Variants in FAM185A observed in about 807,000 individuals in gnomAD.
FAM185A encodes family with sequence similarity 185 member A.
A neutral mutation model predicts 45.7 loss-of-function variants in FAM185A; 21 were observed. That is an observed-to-expected ratio of 0.46 (90% CI 0.33 to 0.66). The LOEUF (loss-of-function observed/expected upper bound fraction) is 0.66, where lower values mean the gene tolerates loss of function less well. Among genes scored for constraint, FAM185A ranks in the 30% least tolerant of loss-of-function variants. The pLI, the probability that FAM185A is intolerant of heterozygous loss-of-function variation, is 0.03. For missense variants in FAM185A, 305 were observed against 485.4 expected (o/e 0.63, Z 3.49); for synonymous variants, 117 against 194.0 (o/e 0.60, Z 3.30).
At chr7:102,822,250 A>C in the FAM185A span, 1,099 of 1,531,776 alleles carry the variant, frequency 7.2e-4, no homozygotes, top group Non-Finnish European at 9.0e-4. Context: ...ACACTATCTC[A>C]GGGAAGAACA....
chr7:102,808,422 TATGATTTTTAACA>T lies in FAM185A; in HGVS notation c.*27_*39del, dbSNP rs1797259274. The T allele has an allele frequency of 7.3e-7, 1 of 1,366,796 alleles. No individual in the cohort carries two copies. The highest frequency in any genetic ancestry group is 2.0e-5 in the Admixed American group (1 of 50,220). 84.7% of individuals were successfully genotyped at this position (1,366,796 alleles called of 1,614,324 possible). ...GACTAAAACTGATTTGAGTTGGATTTATGATTTTTAACAATGATTCGCAGATCTGTGACTACAA... is the reference window on the plus strand; with the variant it reads ...GACTAAAACTGATTTGAGTTGGATTTATGATTCGCAGATCTGTGACTACAA... On this transcript the variant is annotated 3_prime_UTR_variant, in exon 8 of 8. Transcript: ENST00000413034.
At chr7:102,819,027 C>G in the FAM185A span, among the ~76,000 whole-genome samples, 1 of 152,198 alleles carries the variant, frequency 6.6e-6, no homozygotes, top group East Asian at 1.9e-4. Flanking sequence ...CATTTAGCTC[C>G]CACTTATAAG....
At chr7:102,808,134 G>A (rs1374965590) in intron 7 of FAM185A, among the ~76,000 whole-genome samples, 156 bp from the exon 8 acceptor site, 1 of 152,146 alleles carries the variant, frequency 6.6e-6, no homozygotes, top group Non-Finnish European at 1.5e-5. Context: ...AGGGGAGCAA[G>A]CCCAGATAAC....
chr7:102,800,351 G>A (rs761421598), intron 7 of FAM185A, among the ~76,000 whole-genome samples: 7 of 152,116 alleles, frequency 4.6e-5, no homozygotes, highest in African/African-American at 7.2e-5. Flanking sequence ...ACAACCCCGC[G>A]AAAATCACAC....
At chr7:102,791,054 T>C (rs1255928746) in intron 7 of FAM185A, among the ~76,000 whole-genome samples, 5 of 152,164 alleles carry the variant, frequency 3.3e-5, no homozygotes, top group Non-Finnish European at 7.3e-5. Context: ...GGTGAGGAAG[T>C]GAGAGAAGTC....
At chr7:102,848,923 C>A in the FAM185A span, among the ~76,000 whole-genome samples, 1 of 152,184 alleles carries the variant, frequency 6.6e-6, no homozygotes, top group East Asian at 1.9e-4. Context: ...TCACTTGAAC[C>A]CAGGATGCGG....
At chr7:102,814,281 C>G in the FAM185A span, 1 of 152,134 alleles carries the variant, frequency 6.6e-6, no homozygotes. Context: ...AAATGAGTAA[C>G]TATGATGTTT....
At chr7:102,796,635 A>T (rs1208282892) in intron 7 of FAM185A, among the ~76,000 whole-genome samples, 1 of 152,240 alleles carries the variant, frequency 6.6e-6, no homozygotes, top group African/African-American at 2.4e-5. Context: ...TTTCTCAGTT[A>T]TGATTTTTGC....
the FAM185A span, among the ~76,000 whole-genome samples, chr7:102,828,370 A>G: frequency 1.3e-5 from 2 of 152,096 alleles, no homozygotes; most frequent in African/African-American, 4.8e-5. Flanking sequence ...TTTCCTTATG[A>G]CCATTTCGAA....
At chr7:102,767,134 C>CTTTTT (rs56733214) in intron 4 of FAM185A, among the ~76,000 whole-genome samples, 66 of 139,748 alleles carry the variant, frequency 4.7e-4, no homozygotes, top group African/African-American at 1.7e-3. Context: ...AGAATTACAG[C>CTTTTT]TTTTTTTTTT....
chr7:102,834,093 A>AGGAAGGAAGGAAGG, the FAM185A span, among the ~76,000 whole-genome samples: 1 of 86,312 alleles, frequency 1.2e-5, no homozygotes. Context: ...AAGAAAAGAA[A>AGGAAGGAAGGAAGG]GAAAGAAAGA....
chr7:102,753,744 A>AAC (rs1793516424), intron 2 of FAM185A, among the ~76,000 whole-genome samples: 1 of 151,902 alleles, frequency 6.6e-6, no homozygotes, highest in African/African-American at 2.4e-5. Context: ...GAATTAGCAA[A>AAC]AAAAAAAATT....
chr7:102,811,573 A>G (rs1797437342), downstream of FAM185A, among the ~76,000 whole-genome samples: 1 of 152,234 alleles, frequency 6.6e-6, no homozygotes, highest in Non-Finnish European at 1.5e-5. Context: ...ATGTAAAGCA[A>G]CCTGCTAGGT....
At chr7:102,819,891 G>A in the FAM185A span, among the ~76,000 whole-genome samples, 1 of 152,166 alleles carries the variant, frequency 6.6e-6, no homozygotes, top group Admixed American at 6.5e-5. Context: ...AATGCAAAAC[G>A]AAGCTGCTCC....
intron 5 of FAM185A, among the ~76,000 whole-genome samples, chr7:102,775,660 G>GT (rs1219067432): frequency 6.6e-6 from 1 of 151,822 alleles, no homozygotes; most frequent in Non-Finnish European, 1.5e-5. Context: ...AATTGTGTGT[G>GT]TTTTTTTTCC....
At chr7:102,840,909 G>A in the FAM185A span, among the ~76,000 whole-genome samples, 1 of 152,158 alleles carries the variant, frequency 6.6e-6, no homozygotes, top group African/African-American at 2.4e-5. Context: ...ATGGACCCTG[G>A]CTTTTGTCTG....
At chr7:102,781,985 G>C (rs6465871) in intron 6 of FAM185A, among the ~76,000 whole-genome samples, 34,206 of 152,070 alleles carry the variant, frequency 0.22, 4,241 homozygotes, top group African/African-American at 0.33. Flanking sequence ...TGAAAACCAA[G>C]GCATGAGAAC....
At chr7:102,811,571 C>A (rs1240895164), downstream of FAM185A, among the ~76,000 whole-genome samples, 1 of 152,204 alleles carries the variant, frequency 6.6e-6, no homozygotes, top group Non-Finnish European at 1.5e-5. Context: ...GAATGTAAAG[C>A]AACCTGCTAG....
chr7:102,829,703 AC>A, the FAM185A span, among the ~76,000 whole-genome samples: 1 of 152,086 alleles, frequency 6.6e-6, no homozygotes, highest in Admixed American at 6.5e-5. Flanking sequence ...CTACTAACTG[AC>A]CTTCGAGGTG....
Sources: gnomAD v4.1 joint callset for allele counts (sites outside exome capture counted in the v4.1 genomes callset) on GRCh38, gnomAD v4.1.1 for gene constraint, MANE v1.5 for transcripts, NCBI Gene and HGNC (gene_info 2026-07-23, HGNC 2026-07-21) for gene names.